SLIT3: variants seen among roughly 807,000 people sequenced by gnomAD.
SLIT3 encodes the protein slit homolog 3 protein.
In SLIT3, 68 loss-of-function variants were observed where a neutral mutation model predicts 184.0. The observed-to-expected ratio is 0.37, with a 90% CI of 0.30 to 0.45. The LOEUF (loss-of-function observed/expected upper bound fraction) is 0.45. SLIT3 is among the 20% of genes least tolerant of loss of function. The pLI, the probability that SLIT3 is intolerant of heterozygous loss-of-function variation, is 1.00. For missense variants in SLIT3, 1,707 were observed against 2,026.0 expected, an observed-to-expected ratio of 0.84 and a Z score of 3.02; for synonymous variants, 831 against 828.6, an observed-to-expected ratio of 1.00 and a Z score of -0.05.
chr5:168,700,143 G>A (rs1353744190), intron 27 of SLIT3, among the ~76,000 whole-genome samples: 1 of 152,212 alleles, frequency 6.6e-6, no homozygotes, highest in East Asian at 1.9e-4. Flanking sequence ...CACTGGGCAC[G>A]CCCTCGCTGG....
At chr5:168,961,470 G>A (rs1462559535) in intron 4 of SLIT3, among the ~76,000 whole-genome samples, 4 of 152,270 alleles carry the variant, frequency 2.6e-5, no homozygotes, top group Non-Finnish European at 4.4e-5. Context: ...ATTAATCAAA[G>A]ATTAACCAAC....
Position 168,774,267 on chromosome 5 carries a change from C to A in SLIT3, c.1263G>T (p.Gly421=), listed in dbSNP as rs1040810066. ...GGATGGACTGCAGAGGGGCGAAGAG[C>A]CCCTTGCTGATGGTCTGCAGCTTGT... ...YDNKLQTISK[G]LFAPLQSIQT... Residue 421 remains glycine (G), a synonymous_variant, in exon 13 of 36, where the codon GGG becomes GGT. Coordinates refer to ENST00000519560, the MANE Select transcript of SLIT3 (RefSeq NM_003062.4). The A allele has an allele frequency of 1.2e-6, 2 of 1,613,820 alleles. No individual in the cohort carries two copies. The highest frequency in any genetic ancestry group is 2.2e-5 in the East Asian group (1 of 44,868).
At chr5:168,826,416 CCACA>C (rs1218834497) in intron 6 of SLIT3, among the ~76,000 whole-genome samples, 1 of 152,138 alleles carries the variant, frequency 6.6e-6, no homozygotes, top group Non-Finnish European at 1.5e-5. Flanking sequence ...CAGCTTTTGC[CCACA>C]CACAGAGTAC....
At chr5:169,286,625 T>C (rs1767156550) in intron 1 of SLIT3, among the ~76,000 whole-genome samples, 1 of 152,130 alleles carries the variant, frequency 6.6e-6, no homozygotes, top group Non-Finnish European at 1.5e-5. Context: ...GTGTCAGAGG[T>C]ACGGCCAGGT....
intron 4 of SLIT3, among the ~76,000 whole-genome samples, chr5:169,004,818 G>C (rs2113434487): frequency 6.6e-6 from 1 of 152,208 alleles, no homozygotes; most frequent in South Asian, 2.1e-4. Flanking sequence ...GCCATGTGAC[G>C]ATACAGCTAG....
intron 4 of SLIT3, among the ~76,000 whole-genome samples, chr5:168,977,866 G>A (rs1433921255): frequency 6.6e-6 from 1 of 152,152 alleles, no homozygotes; most frequent in Non-Finnish European, 1.5e-5. Context: ...GATGGAAAAG[G>A]TGAAGAGGGA....
chr5:168,786,806 G>A (rs1383882372), intron 11 of SLIT3, among the ~76,000 whole-genome samples: 2 of 152,086 alleles, frequency 1.3e-5, no homozygotes, highest in Non-Finnish European at 2.9e-5. Context: ...AGAGAAGCTC[G>A]GCTGGCCTCT....
intron 14 of SLIT3, among the ~76,000 whole-genome samples, chr5:168,769,184 T>C (rs1046272253): frequency 2.0e-5 from 3 of 152,162 alleles, no homozygotes; most frequent in Non-Finnish European, 4.4e-5. Context: ...GATGAACCAA[T>C]AACCACTGTC....
chr5:169,249,177 G>A (rs1765693627), intron 2 of SLIT3, among the ~76,000 whole-genome samples: 1 of 152,168 alleles, frequency 6.6e-6, no homozygotes. Flanking sequence ...GTGTTAGTTA[G>A]AAAGCATTTC....
intron 32 of SLIT3, among the ~76,000 whole-genome samples, chr5:168,679,859 A>G (rs970195241): frequency 2.0e-5 from 3 of 152,200 alleles, no homozygotes; most frequent in African/African-American, 7.2e-5. Flanking sequence ...CTGGGCTTCT[A>G]ATATGAGGCT....
intron 4 of SLIT3, among the ~76,000 whole-genome samples, chr5:169,192,574 A>T (rs1483151368): frequency 6.6e-6 from 1 of 152,136 alleles, no homozygotes; most frequent in Non-Finnish European, 1.5e-5. Flanking sequence ...TGGCTGCACA[A>T]GTAGGCATTA....
chr5:168,699,380 G>C (rs1166538284), intron 27 of SLIT3, among the ~76,000 whole-genome samples: 1 of 152,226 alleles, frequency 6.6e-6, no homozygotes, highest in Non-Finnish European at 1.5e-5. Context: ...GCTTGGCATG[G>C]GGTGCCCCTG....
intron 20 of SLIT3, among the ~76,000 whole-genome samples, chr5:168,728,277 CAT>C (rs3061738): frequency 0.24 from 33,760 of 140,748 alleles, 4,066 homozygotes; most frequent in East Asian, 0.33. Flanking sequence ...TAATCAACAA[CAT>C]ATATATATAT....
intron 4 of SLIT3, among the ~76,000 whole-genome samples, chr5:168,938,535 T>C (rs1224270059): frequency 6.6e-6 from 1 of 152,228 alleles, no homozygotes; most frequent in East Asian, 1.9e-4. Context: ...ACATGGGTAT[T>C]GTGATTTTTA....
intron 3 of SLIT3, among the ~76,000 whole-genome samples, chr5:169,193,820 C>T (rs565477151): frequency 1.1e-4 from 17 of 152,176 alleles, no homozygotes; most frequent in Non-Finnish European, 2.4e-4. Flanking sequence ...GGAGAGACAT[C>T]ACTAATGGAT....
chr5:168,975,755 G>C (rs1485133679), intron 4 of SLIT3, among the ~76,000 whole-genome samples: 2 of 152,114 alleles, frequency 1.3e-5, no homozygotes, highest in African/African-American at 4.8e-5. Flanking sequence ...CTAGAAACCT[G>C]TTCCTCACTC....
chr5:169,165,547 T>C (rs1762611078), intron 4 of SLIT3, among the ~76,000 whole-genome samples: 1 of 152,246 alleles, frequency 6.6e-6, no homozygotes, highest in Non-Finnish European at 1.5e-5. Context: ...CATACAACCC[T>C]ATTTTTTCAC....
intron 23 of SLIT3, among the ~76,000 whole-genome samples, chr5:168,717,237 C>T (rs1561890848): frequency 7.4e-6 from 1 of 135,408 alleles, no homozygotes; most frequent in Non-Finnish European, 1.6e-5. Context: ...CATTCAACCT[C>T]TATTTACTGA....
intron 9 of SLIT3, among the ~76,000 whole-genome samples, 176 bp from the exon 10 acceptor site, chr5:168,795,754 T>C (rs983772467): frequency 1.3e-5 from 2 of 152,108 alleles, no homozygotes; most frequent in Non-Finnish European, 2.9e-5. Flanking sequence ...CAGGTCCTAG[T>C]ACATGGAGCA....
Sources: gnomAD v4.1 joint callset for allele counts (sites outside exome capture counted in the v4.1 genomes callset) on GRCh38, gnomAD v4.1.1 for gene constraint, MANE v1.5 for transcripts, NCBI Gene and HGNC (gene_info 2026-07-23, HGNC 2026-07-21) for gene names.